SOX6: variants seen among roughly 807,000 people sequenced by gnomAD.
The protein encoded by SOX6 is transcription factor SOX-6.
A neutral mutation model predicts 97.8 loss-of-function variants in SOX6; 11 were observed. The ratio of observed to expected loss-of-function variants is 0.11; its 90% CI spans 0.07 to 0.19. The LOEUF (loss-of-function observed/expected upper bound fraction) is 0.19. Among genes scored for constraint, SOX6 ranks in the 10% least tolerant of loss-of-function variants. The probability of loss-of-function intolerance (pLI) is 1.00; values close to 1 mark genes in which losing one functional copy is unlikely to be tolerated. For synonymous variants in SOX6, 360 were observed against 371.4 expected, an observed-to-expected ratio of 0.97 and a Z score of 0.35; for missense variants, 810 against 1,039.5, an observed-to-expected ratio of 0.78 and a Z score of 3.04.
rs116882820 is a variant in SOX6 at position 16,376,626 on chromosome 11, G to A, written c.-4-35374C>T. On this transcript the variant is annotated intron_variant, in intron 1 of 15. Coordinates refer to the SOX6 transcript ENST00000396356. ...TGAGTTTTAAAATCATAGCACTCTT[G>A]CTGATAGTAAGAATTTCACATGATC... 4.7e-3 allele frequency among the ~76,000 whole-genome samples: 714 copies of A among 152,212 alleles called. 8 individuals carry two copies. The highest frequency in any genetic ancestry group is 3.1e-3 in the Non-Finnish European group (210 of 68,000).
chr11:16,103,657 G>GTA (rs966897485), intron 7 of SOX6, among the ~76,000 whole-genome samples: 89 of 150,376 alleles, frequency 5.9e-4, no homozygotes, highest in Admixed American at 1.5e-3. Context: ...AGAAAATGTG[G>GTA]TATATATATA....
At chr11:16,282,546 A>G (rs1854596681) in intron 3 of SOX6, among the ~76,000 whole-genome samples, 1 of 151,556 alleles carries the variant, frequency 6.6e-6, no homozygotes, top group African/African-American at 2.4e-5. Context: ...GATACCCACT[A>G]ACTTTTTTAA....
At chr11:16,361,977 A>C (rs1197775239) in intron 1 of SOX6, among the ~76,000 whole-genome samples, 1 of 152,188 alleles carries the variant, frequency 6.6e-6, no homozygotes, top group African/African-American at 2.4e-5. Context: ...TTCAATTCAC[A>C]AAATAATTTG....
intron 1 of SOX6, among the ~76,000 whole-genome samples, chr11:16,417,548 G>A (rs1200382646): frequency 6.6e-6 from 1 of 152,050 alleles, no homozygotes; most frequent in African/African-American, 2.4e-5. Context: ...AGATGCAATA[G>A]GATAAGAACC....
At chr11:16,164,915 G>A (rs1850847590) in intron 6 of SOX6, among the ~76,000 whole-genome samples, 1 of 151,910 alleles carries the variant, frequency 6.6e-6, no homozygotes, top group South Asian at 2.1e-4. Context: ...ACTTCATATA[G>A]CTAATTTCAG....
At position 16,607,502 on chromosome 11, in the gene SOX6, G is replaced by C. The variant is rs1416133434; in HGVS notation, n.609+4579C>G. On this transcript the variant is annotated intron_variant and non_coding_transcript_variant, in intron 4 of 5. Transcript: ENST00000524520. This position sits in a 1 kb window ranked among gnomAD's most constrained non-coding sequence, Gnocchi z 6.5. ...AATTGTCACAGTCCGGGGAGCAAGG[G>C]AACAGAACCCCCCAGCGCCGCGGCC... 6.6e-6 allele frequency: 1 copy of C among 152,456 alleles called. No individual in the cohort carries two copies. The highest frequency in any genetic ancestry group is 1.5e-5 in the Non-Finnish European group (1 of 68,246). The allele number at this position is 152,456 out of a possible 1,614,324, so 9.4% of individuals were successfully genotyped here. A position where few individuals can be genotyped will look rare whatever the true frequency, so the allele number is the denominator to read the frequency against.
chr11:16,268,036 C>T (rs1854135254), intron 3 of SOX6, among the ~76,000 whole-genome samples: 1 of 151,222 alleles, frequency 6.6e-6, no homozygotes, highest in Admixed American at 6.6e-5. Flanking sequence ...TTACCAGAGT[C>T]TAGGGTATGG....
At chr11:16,033,916 A>G (rs1855451332) in intron 12 of SOX6, among the ~76,000 whole-genome samples, 1 of 151,982 alleles carries the variant, frequency 6.6e-6, no homozygotes, top group African/African-American at 2.4e-5. Flanking sequence ...AGAAAGAAAA[A>G]GAAAAGAAAG....
At chr11:16,558,834 T>A (rs1388508068) in intron 4 of SOX6, among the ~76,000 whole-genome samples, 1 of 152,024 alleles carries the variant, frequency 6.6e-6, no homozygotes, top group Non-Finnish European at 1.5e-5. Flanking sequence ...CTCAACTAAA[T>A]AGCAGCTTTT....
chr11:16,727,975 T>A (rs1218110919), intron 2 of SOX6, among the ~76,000 whole-genome samples: 5 of 152,278 alleles, frequency 3.3e-5, no homozygotes, highest in African/African-American at 1.2e-4. Flanking sequence ...GAACAGAAGA[T>A]ATACATCTGG....
intron 4 of SOX6, among the ~76,000 whole-genome samples, chr11:16,206,105 C>A (rs1424623923): frequency 6.6e-6 from 1 of 151,512 alleles, no homozygotes. Flanking sequence ...TATATATACA[C>A]ACATATACAC....
At chr11:16,492,532 C>T (rs929866131) in intron 4 of SOX6, among the ~76,000 whole-genome samples, 2 of 152,344 alleles carry the variant, frequency 1.3e-5, no homozygotes, top group East Asian at 3.9e-4. Context: ...TTCAGGAAGG[C>T]TTTCTGTGCC....
At chr11:16,578,391 G>A (rs1295841498) in intron 4 of SOX6, among the ~76,000 whole-genome samples, 2 of 151,946 alleles carry the variant, frequency 1.3e-5, no homozygotes, top group African/African-American at 4.8e-5. Context: ...TTACTACTTA[G>A]CAATTGAAAC....
At chr11:16,404,651 G>T (rs1858647388) in intron 1 of SOX6, among the ~76,000 whole-genome samples, 1 of 151,822 alleles carries the variant, frequency 6.6e-6, no homozygotes, top group Non-Finnish European at 1.5e-5. Context: ...AATTTGACAG[G>T]TATGTTTTCA....
At chr11:16,284,789 G>A (rs1329661733) in intron 3 of SOX6, among the ~76,000 whole-genome samples, 1 of 152,136 alleles carries the variant, frequency 6.6e-6, no homozygotes, top group African/African-American at 2.4e-5. Context: ...TATTTCCCTT[G>A]TGAGCCTCTT....
At chr11:16,639,848 T>A (rs1848866153) in intron 3 of SOX6, among the ~76,000 whole-genome samples, 1 of 152,206 alleles carries the variant, frequency 6.6e-6, no homozygotes, top group South Asian at 2.1e-4. Context: ...AATCATGTCA[T>A]CTGCAAACAG....
At chr11:16,680,111 A>G (rs1847914750) in intron 3 of SOX6, among the ~76,000 whole-genome samples, 2 of 152,174 alleles carry the variant, frequency 1.3e-5, no homozygotes, top group South Asian at 4.1e-4. Flanking sequence ...TACAGAGAAC[A>G]CCACAAAGAT....
chr11:16,299,995 A>C (rs1855209765), intron 3 of SOX6, among the ~76,000 whole-genome samples: 1 of 152,170 alleles, frequency 6.6e-6, no homozygotes, highest in African/African-American at 2.4e-5. Context: ...AGCACGGCTG[A>C]GGAATAAGCT....
At chr11:16,468,504 T>C (rs10734247) in intron 1 of SOX6, among the ~76,000 whole-genome samples, 149,665 of 152,196 alleles carry the variant, frequency 0.98, 73,644 homozygotes, top group East Asian at 1. Flanking sequence ...CATCAATATA[T>C]GATCTTCACT....
Sources: allele counts gnomAD v4.1 joint callset (sites outside exome capture counted in the v4.1 genomes callset), GRCh38; gene constraint gnomAD v4.1.1; non-coding constraint Gnocchi (gnomAD v3.1); transcripts MANE v1.5; gene names NCBI Gene and HGNC (gene_info 2026-07-23, HGNC 2026-07-21).